PCDH15: variants seen among roughly 807,000 people sequenced by gnomAD.
PCDH15 encodes protocadherin related 15.
In PCDH15, 129 loss-of-function variants were observed where a neutral mutation model predicts 178.5. The ratio of observed to expected loss-of-function variants is 0.72; its 90% CI spans 0.63 to 0.84. The LOEUF (loss-of-function observed/expected upper bound fraction) is 0.84, where lower values mean the gene tolerates loss of function less well. Ranked by LOEUF, PCDH15 falls within the 40% of genes least tolerant of loss-of-function variation. The pLI is 0.00. For synonymous variants in PCDH15, 800 were observed against 732.0 expected, an observed-to-expected ratio of 1.09 and a Z score of -1.50; for missense variants, 2,230 against 2,099.9, an observed-to-expected ratio of 1.06 and a Z score of -1.21.
At chr10:54,884,013 T>G (rs761779527) in intron 3 of PCDH15, among the ~76,000 whole-genome samples, 11 of 152,000 alleles carry the variant, frequency 7.2e-5, no homozygotes, top group Non-Finnish European at 1.5e-4. Context: ...AAATGTAACA[T>G]GGGGAATTTA....
chr10:54,461,056 A>C (rs1452812369), intron 3 of PCDH15, among the ~76,000 whole-genome samples: 1 of 152,094 alleles, frequency 6.6e-6, no homozygotes, highest in Non-Finnish European at 1.5e-5. Context: ...GAGAATATTT[A>C]CATCACCTGC....
At chr10:54,613,131 G>A (rs1333616834) in intron 2 of PCDH15, among the ~76,000 whole-genome samples, 1 of 151,726 alleles carries the variant, frequency 6.6e-6, no homozygotes, top group African/African-American at 2.4e-5. Flanking sequence ...AGGGAAACAC[G>A]GCATTGCTAT....
chr10:54,236,964 C>T (rs750525925), intron 8 of PCDH15, 33 bp from the exon 9 acceptor site: 145 of 1,496,160 alleles, frequency 9.7e-5, no homozygotes, highest in Non-Finnish European at 3.8e-5. Flanking sequence ...TTCATTCAGC[C>T]GCATTACTAA....
intron 8 of PCDH15, among the ~76,000 whole-genome samples, chr10:54,315,896 A>C (rs1330729789): frequency 6.6e-6 from 1 of 151,842 alleles, no homozygotes; most frequent in Non-Finnish European, 1.5e-5. Context: ...CTTTCAAGTA[A>C]AATTTTTATG....
At chr10:55,521,156 A>T (rs189187056) in intron 2 of PCDH15, among the ~76,000 whole-genome samples, 2 of 152,088 alleles carry the variant, frequency 1.3e-5, no homozygotes, top group African/African-American at 4.8e-5. Context: ...TTTCACATAG[A>T]AGTGAGATCA....
chr10:53,804,963 G>A lies in PCDH15; in HGVS notation c.*1616C>T, dbSNP rs187582471. ...GTTTTGTTTTGTTTTTTTGGCAAGG[G>A]TATGGAATGCATTAATTCTCAATAA... On this transcript the variant is annotated 3_prime_UTR_variant, in exon 38 of 38. Transcript: ENST00000644397. 6.6e-6 allele frequency: 1 copy of A among 151,706 alleles called. No homozygotes were observed. Among genetic ancestry groups the A allele is most frequent in the African/African-American group, 2.4e-5 (1 of 41,328 alleles). The allele number at this position is 151,706 out of a possible 1,614,324, so 9.4% of individuals were successfully genotyped here.
intron 2 of PCDH15, among the ~76,000 whole-genome samples, chr10:54,553,832 G>C (rs1383703940): frequency 6.6e-6 from 1 of 152,076 alleles, no homozygotes; most frequent in Admixed American, 6.6e-5. Context: ...CATTAACTTG[G>C]AGGCCTGAAA....
intron 2 of PCDH15, among the ~76,000 whole-genome samples, chr10:54,536,940 A>C (rs1758825): frequency 0.22 from 33,661 of 150,882 alleles, 4,732 homozygotes; most frequent in African/African-American, 0.39. Flanking sequence ...GTTATTGTGA[A>C]TAGTACTGCA....
At chr10:54,654,462 G>T (rs962189820) in intron 2 of PCDH15, among the ~76,000 whole-genome samples, 2 of 152,270 alleles carry the variant, frequency 1.3e-5, no homozygotes, top group African/African-American at 4.8e-5. Context: ...AATCAATAAT[G>T]CTGTTTGCTG....
At chr10:54,486,007 CAAT>C (rs1262533883) in intron 3 of PCDH15, among the ~76,000 whole-genome samples, 1 of 151,992 alleles carries the variant, frequency 6.6e-6, no homozygotes, top group African/African-American at 2.4e-5. Context: ...AAAATCTAGT[CAAT>C]GATGTAACGT....
chr10:54,772,447 A>G (rs1309188388), intron 1 of PCDH15, among the ~76,000 whole-genome samples: 1 of 152,174 alleles, frequency 6.6e-6, no homozygotes, highest in African/African-American at 2.4e-5. Context: ...ATTTTGTCTT[A>G]TCTTTTTGTT....
intron 2 of PCDH15, among the ~76,000 whole-genome samples, chr10:55,055,072 A>G (rs1316257819): frequency 6.6e-6 from 1 of 152,128 alleles, no homozygotes; most frequent in South Asian, 2.1e-4. Flanking sequence ...TGACGTCTTC[A>G]TCATGAAGTC....
intron 2 of PCDH15, among the ~76,000 whole-genome samples, chr10:54,633,505 A>C (rs1024486070): frequency 1.3e-5 from 2 of 152,134 alleles, no homozygotes; most frequent in Non-Finnish European, 2.9e-5. Flanking sequence ...TTATTCAGGC[A>C]GAGAAGGAAA....
At chr10:54,195,572 G>T in intron 11 of PCDH15, 111 bp downstream of exon 11, 2 of 922,250 alleles carry the variant, frequency 2.2e-6, no homozygotes, top group Non-Finnish European at 1.7e-6. Context: ...CACTTACAGT[G>T]ACTTAATTCT....
chr10:54,479,006 A>G (rs1053383120), intron 3 of PCDH15, among the ~76,000 whole-genome samples: 225 of 114,010 alleles, frequency 2.0e-3, no homozygotes, highest in Non-Finnish European at 1.9e-3. Flanking sequence ...TAGGGAAAAG[A>G]AAAAAAAAAA....
chr10:54,262,467 T>A (rs963514822), intron 8 of PCDH15, among the ~76,000 whole-genome samples: 5 of 152,002 alleles, frequency 3.3e-5, no homozygotes, highest in Non-Finnish European at 7.4e-5. Context: ...AGCTTAAGTG[T>A]TTTGTTAACA....
intron 2 of PCDH15, among the ~76,000 whole-genome samples, chr10:54,569,286 C>T (rs1197197723): frequency 6.6e-6 from 1 of 152,024 alleles, no homozygotes; most frequent in African/African-American, 2.4e-5. Flanking sequence ...AATATTCTTG[C>T]ACAATAGGCC....
At chr10:54,113,255 T>A in intron 15 of PCDH15, among the ~76,000 whole-genome samples, 1 of 152,164 alleles carries the variant, frequency 6.6e-6, no homozygotes, top group East Asian at 1.9e-4. Context: ...GGGATATATT[T>A]TATTATATTT....
rs923607963 is a variant in PCDH15 at position 54,615,320 on chromosome 10, G to GTA, written c.91+48850_91+48851dup. Among the ~76,000 whole-genome samples, 20 of 152,018 alleles carry GTA rather than the reference G, an allele frequency of 1.3e-4. 1 individual carries two copies. The highest frequency in any genetic ancestry group is 1.2e-3 in the Admixed American group (19 of 15,222). ...ACCAGATACAATGTTTTGTATAGAA[G>GTA]TATACTCAGTAGATTTTTTAATTCT... On this transcript the variant is annotated intron_variant, in intron 2 of 37. Transcript: ENST00000644397.
Sources: allele counts gnomAD v4.1 joint callset (sites outside exome capture counted in the v4.1 genomes callset), GRCh38; gene constraint gnomAD v4.1.1; transcripts MANE v1.5; gene names NCBI Gene and HGNC (gene_info 2026-07-23, HGNC 2026-07-21).